ATP11A: variants seen among roughly 807,000 people sequenced by gnomAD.
The protein encoded by ATP11A is phospholipid-transporting ATPase IH.
A neutral mutation model predicts 154.4 loss-of-function variants in ATP11A; 81 were observed. That is an observed-to-expected ratio of 0.52 (90% CI 0.44 to 0.63). ATP11A has a LOEUF of 0.63. Among genes scored for constraint, ATP11A ranks in the 30% least tolerant of loss-of-function variants. The pLI is 0.00. For synonymous variants in ATP11A, 623 were observed against 585.9 expected (o/e 1.06, Z -0.91); for missense variants, 1,316 against 1,474.3 (o/e 0.89, Z 1.76).
At chr13:112,856,626 C>T (rs1186778030) in intron 20 of ATP11A, 1 of 151,814 alleles carries the variant, frequency 6.6e-6, no homozygotes, top group Non-Finnish European at 1.5e-5. Context: ...GGGAAACGCA[C>T]ACCTGAAGTT....
At chr13:112,691,277 A>G (rs1885136957) in intron 1 of ATP11A, among the ~76,000 whole-genome samples, 1 of 151,956 alleles carries the variant, frequency 6.6e-6, no homozygotes, top group African/African-American at 2.4e-5. Flanking sequence ...AGCCGGACCG[A>G]CATGGTGAAA....
At chr13:112,842,975 C>T (rs1594146732) in intron 17 of ATP11A, among the ~76,000 whole-genome samples, 1 of 152,256 alleles carries the variant, frequency 6.6e-6, no homozygotes, top group African/African-American at 2.4e-5. Context: ...AGCAGGGCCT[C>T]CCCTCCCCGT....
At chr13:112,761,684 A>G (rs547813459) in intron 1 of ATP11A, among the ~76,000 whole-genome samples, 1 of 149,656 alleles carries the variant, frequency 6.7e-6, no homozygotes, top group East Asian at 2.0e-4. Flanking sequence ...TCGTGCACAT[A>G]GGTTTGGGTA....
At chr13:112,850,894 C>G in intron 17 of ATP11A, 143 bp from the exon 18 acceptor site, 1 of 685,558 alleles carries the variant, frequency 1.5e-6, no homozygotes, top group South Asian at 2.2e-5. Flanking sequence ...TCTTTGTTTA[C>G]TTAGTACTGT....
intron 1 of ATP11A, among the ~76,000 whole-genome samples, chr13:112,782,323 C>T (rs2077520600): frequency 6.6e-6 from 1 of 152,098 alleles, no homozygotes; most frequent in South Asian, 2.1e-4. Context: ...GCTTTCCAAA[C>T]CAGTGTCTGG....
chr13:112,722,854 A>G (rs1007034448), intron 1 of ATP11A, among the ~76,000 whole-genome samples: 3 of 152,346 alleles, frequency 2.0e-5, no homozygotes, highest in Admixed American at 6.5e-5. Flanking sequence ...ACGTAAATCA[A>G]TGAGTGGAAG....
At chr13:112,703,959 G>A (rs1349674393) in intron 1 of ATP11A, among the ~76,000 whole-genome samples, 1 of 152,184 alleles carries the variant, frequency 6.6e-6, no homozygotes, top group Admixed American at 6.5e-5. Flanking sequence ...AAATGGAATT[G>A]CTTTTTGGAG....
At chr13:112,748,515 G>A (rs1000514480) in intron 1 of ATP11A, among the ~76,000 whole-genome samples, 5 of 152,020 alleles carry the variant, frequency 3.3e-5, no homozygotes, top group Admixed American at 1.3e-4. Context: ...GTAGGTATGC[G>A]CTCCCACACC....
Position 112,810,713 on chromosome 13 carries a change from G to A in ATP11A, c.428G>A (p.Ser143Asn). The A allele has an allele frequency of 6.2e-7, 1 of 1,614,118 alleles. No homozygotes were observed. Among genetic ancestry groups the A allele is most frequent in the Non-Finnish European group, 8.5e-7 (1 of 1,179,984 alleles). The change falls in exon 5 of 30, where the codon AGT (serine) becomes AAT (asparagine). Residue 143 changes from serine to asparagine, a missense_variant. Transcript: ENST00000375645. ...CACGGCAAGCTCGTTCGGAAACAAA[G>A]TCGAAAGCTGCGAGTAAGTGACACC... ...IQHGKLVRKQ[S>N]RKLRVGDIVM...
intron 18 of ATP11A, among the ~76,000 whole-genome samples, chr13:112,853,822 T>C (rs1289839092): frequency 6.6e-6 from 1 of 152,176 alleles, no homozygotes; most frequent in Non-Finnish European, 1.5e-5. Flanking sequence ...GGACCCCAAG[T>C]GGGTTCTAAG....
chr13:112,831,667 T>C (rs1334538246), intron 13 of ATP11A, 119 bp downstream of exon 13: 1 of 1,151,304 alleles, frequency 8.7e-7, no homozygotes, highest in African/African-American at 1.5e-5. Context: ...CGGACTTCAG[T>C]GGGAGGGATG....
intron 1 of ATP11A, among the ~76,000 whole-genome samples, chr13:112,721,716 A>G (rs573396302): frequency 2.6e-5 from 4 of 152,360 alleles, no homozygotes; most frequent in Non-Finnish European, 4.4e-5. Context: ...TCCCGGGGTC[A>G]TGAACCTGTC....
At chr13:112,845,682 T>C (rs1222176514) in intron 17 of ATP11A, among the ~76,000 whole-genome samples, 1 of 123,204 alleles carries the variant, frequency 8.1e-6, no homozygotes, top group East Asian at 2.4e-4. Flanking sequence ...GCACTAGCGG[T>C]ACTAACCAGT....
intron 1 of ATP11A, among the ~76,000 whole-genome samples, chr13:112,712,284 C>T (rs987000938): frequency 1.3e-5 from 2 of 152,166 alleles, no homozygotes; most frequent in Non-Finnish European, 2.9e-5. Context: ...ATGCACCCAG[C>T]CCCGCATACA....
chr13:112,823,489 C>A, intron 9 of ATP11A, 80 bp downstream of exon 9: 2 of 1,204,542 alleles, frequency 1.7e-6, no homozygotes, highest in Non-Finnish European at 2.4e-6. Flanking sequence ...GCAGCGGAAC[C>A]CGAGAGCGTT....
chr13:112,862,522 T>G lies in ATP11A; in HGVS notation c.2938T>G (p.Phe980Val). The G allele has an allele frequency of 1.2e-6, 2 of 1,614,226 alleles. No individual in the cohort carries two copies. ...LLGLFDALVF[F>V]FGAYFVFENT... ...GGGACTGTTTGACGCACTGGTGTTCTTCTTTGGTGCTTATTTCGTGTTTGA... is the reference window on the plus strand; with the variant it reads ...GGGACTGTTTGACGCACTGGTGTTCGTCTTTGGTGCTTATTTCGTGTTTGA... Residue 980 changes from phenylalanine to valine, a missense_variant, in exon 25 of 30, where the codon TTC becomes GTC. By Grantham distance (50) the Phe-to-Val change is conservative. Around this residue, in one of 5 missense-constraint regions of ATP11A, gnomAD observed 294 missense variants for 290.2 expected, o/e 1.01. Transcript: ENST00000375645.
intron 1 of ATP11A, among the ~76,000 whole-genome samples, chr13:112,764,806 G>T (rs570546995): frequency 6.6e-6 from 1 of 152,156 alleles, no homozygotes; most frequent in Non-Finnish European, 1.5e-5. Context: ...ACCCAGGCAC[G>T]TTTTCTTATG....
chr13:112,709,048 T>TA (rs1265448083), intron 1 of ATP11A, among the ~76,000 whole-genome samples: 4 of 152,022 alleles, frequency 2.6e-5, no homozygotes, highest in Non-Finnish European at 5.9e-5. Flanking sequence ...CGGAAGCAGG[T>TA]CTGGGAGGGG....
At chr13:112,793,056 C>T (rs551171231) in intron 2 of ATP11A, among the ~76,000 whole-genome samples, 22 of 152,204 alleles carry the variant, frequency 1.4e-4, no homozygotes, top group Admixed American at 9.8e-4. Context: ...CTAAAACAAC[C>T]CTGTGAGCCC....
Sources: allele counts gnomAD v4.1 joint callset (sites outside exome capture counted in the v4.1 genomes callset), GRCh38; gene constraint gnomAD v4.1.1; regional missense constraint gnomAD v4.1.1; transcripts MANE v1.5; gene names NCBI Gene and HGNC (gene_info 2026-07-23, HGNC 2026-07-21).